GRIA1: variants seen among roughly 807,000 people sequenced by gnomAD.
GRIA1 encodes the protein glutamate receptor 1.
GRIA1 carries 31 observed loss-of-function variants against 99.2 expected under a neutral mutation model. The observed-to-expected ratio is 0.31, with a 90% CI of 0.23 to 0.42. The LOEUF (loss-of-function observed/expected upper bound fraction) is 0.42, where lower values mean the gene tolerates loss of function less well. GRIA1 is among the 10% of genes least tolerant of loss of function. GRIA1 has a pLI of 1.00. For missense variants in GRIA1, 782 were observed against 1,157.5 expected (o/e 0.68, Z 4.71); for synonymous variants, 438 against 432.4 (o/e 1.01, Z -0.16).
intron 2 of GRIA1, among the ~76,000 whole-genome samples, chr5:153,579,783 G>A (rs1762883070): frequency 6.6e-6 from 1 of 152,028 alleles, no homozygotes; most frequent in African/African-American, 2.4e-5. Flanking sequence ...CACTGTGAGT[G>A]ATAGAGGAGT....
At chr5:153,784,179 C>A (rs1764823845) in intron 13 of GRIA1, among the ~76,000 whole-genome samples, 1 of 152,112 alleles carries the variant, frequency 6.6e-6, no homozygotes, top group African/African-American at 2.4e-5. Flanking sequence ...TCATCAACCA[C>A]CCTGGTTTGC....
chr5:153,492,345 A>G, intron 1 of GRIA1: 2 of 1,502,852 alleles, frequency 1.3e-6, no homozygotes, highest in Admixed American at 2.0e-5. Context: ...AACACGCAAA[A>G]CTTCCTGCCT....
At chr5:153,631,846 G>T (rs1752993329) in intron 2 of GRIA1, among the ~76,000 whole-genome samples, 1 of 152,154 alleles carries the variant, frequency 6.6e-6, no homozygotes, top group African/African-American at 2.4e-5. Context: ...CCTGCTTAAG[G>T]TGGTCCTTGC....
intron 11 of GRIA1, among the ~76,000 whole-genome samples, chr5:153,736,882 G>A (rs913219710): frequency 1.3e-5 from 2 of 152,072 alleles, no homozygotes; most frequent in Non-Finnish European, 2.9e-5. Context: ...ACTCAATTTG[G>A]TTGGAACACG....
At chr5:153,759,891 C>T (rs7731793) in intron 11 of GRIA1, among the ~76,000 whole-genome samples, 116,992 of 152,070 alleles carry the variant, frequency 0.77, 46,249 homozygotes, top group East Asian at 0.95. Context: ...AATGGTTCAA[C>T]ATATTCAAAT....
intron 13 of GRIA1, among the ~76,000 whole-genome samples, chr5:153,772,356 G>A (rs1160596728): frequency 1.7e-4 from 26 of 152,002 alleles, no homozygotes; most frequent in Non-Finnish European, 1.9e-4. Flanking sequence ...TAAATAGCAT[G>A]TGCAAAGATT....
At chr5:153,670,657 A>G (rs1756095723) in intron 5 of GRIA1, among the ~76,000 whole-genome samples, 1 of 152,148 alleles carries the variant, frequency 6.6e-6, no homozygotes, top group Non-Finnish European at 1.5e-5. Context: ...CTAATTACCA[A>G]ATATTACCCT....
chr5:153,716,551 G>C (rs1020609551), intron 11 of GRIA1, among the ~76,000 whole-genome samples: 12 of 152,106 alleles, frequency 7.9e-5, no homozygotes, highest in African/African-American at 2.2e-4. Context: ...GGGAGCAGAG[G>C]CGAGCACCCA....
intron 8 of GRIA1, among the ~76,000 whole-genome samples, chr5:153,688,171 A>G (rs11958138): frequency 0.71 from 107,638 of 151,926 alleles, 38,539 homozygotes; most frequent in East Asian, 0.96. Context: ...CTCTGACTGG[A>G]AGATCTCCTC....
intron 8 of GRIA1, among the ~76,000 whole-genome samples, chr5:153,688,558 T>A (rs772611298): frequency 1.4e-4 from 21 of 152,186 alleles, no homozygotes; most frequent in Non-Finnish European, 2.9e-4. Flanking sequence ...TATTAATAGC[T>A]ATAGTAAATG....
chr5:153,699,330 G>A (rs986193402), intron 10 of GRIA1, among the ~76,000 whole-genome samples: 1 of 152,202 alleles, frequency 6.6e-6, no homozygotes, highest in South Asian at 2.1e-4. Flanking sequence ...TGACAGCATA[G>A]CTCCAAGATC....
chr5:153,586,583 A>G (rs930257263), intron 2 of GRIA1, among the ~76,000 whole-genome samples: 1 of 152,216 alleles, frequency 6.6e-6, no homozygotes, highest in Admixed American at 6.5e-5. Context: ...CTTGAACAAA[A>G]GGGGAATAAT....
intron 1 of GRIA1, 38 bp downstream of exon 1, chr5:153,491,008 T>C (rs1375051003): frequency 6.3e-7 from 1 of 1,585,558 alleles, no homozygotes; most frequent in Admixed American, 1.7e-5. Flanking sequence ...ACTTTCTGGG[T>C]CTGGCCAGGG....
chr5:153,567,636 C>T (rs1251667845), intron 2 of GRIA1, among the ~76,000 whole-genome samples: 1 of 152,102 alleles, frequency 6.6e-6, no homozygotes, highest in Non-Finnish European at 1.5e-5. Context: ...CAATTGAGAA[C>T]CACTCAGATT....
intron 11 of GRIA1, among the ~76,000 whole-genome samples, chr5:153,721,507 T>G (rs1760067671): frequency 6.6e-6 from 1 of 152,226 alleles, no homozygotes; most frequent in Non-Finnish European, 1.5e-5. Context: ...TAACTCTTTT[T>G]GTCTCCTTCA....
chr5:153,522,014 G>A (rs1757193616), intron 2 of GRIA1, among the ~76,000 whole-genome samples: 1 of 152,212 alleles, frequency 6.6e-6, no homozygotes, highest in Non-Finnish European at 1.5e-5. Flanking sequence ...AAGACTGTAG[G>A]ACCCAGACAC....
At chr5:153,696,026 C>T (rs1758067660) in intron 8 of GRIA1, among the ~76,000 whole-genome samples, 1 of 152,156 alleles carries the variant, frequency 6.6e-6, no homozygotes, top group Non-Finnish European at 1.5e-5. Flanking sequence ...GGGACAGACA[C>T]ACAAACAGCT....
chr5:153,768,733 T>C (rs1466509619), intron 12 of GRIA1, among the ~76,000 whole-genome samples: 3 of 152,164 alleles, frequency 2.0e-5, no homozygotes, highest in Non-Finnish European at 4.4e-5. Context: ...ATATGCTGCA[T>C]GTATAATGAT....
chr5:153,636,028 G>A (rs1469939694), intron 2 of GRIA1, among the ~76,000 whole-genome samples: 2 of 152,212 alleles, frequency 1.3e-5, no homozygotes, highest in Non-Finnish European at 1.5e-5. Context: ...AAATCAGCAA[G>A]CAGTGGTCTT....
Sources: gnomAD v4.1 joint callset for allele counts (sites outside exome capture counted in the v4.1 genomes callset) on GRCh38, gnomAD v4.1.1 for gene constraint, MANE v1.5 for transcripts, NCBI Gene and HGNC (gene_info 2026-07-23, HGNC 2026-07-21) for gene names.